Variants in NXPE4 observed in about 807,000 individuals in gnomAD.
The protein encoded by NXPE4 is neurexophilin and PC-esterase domain family member 4.
A neutral mutation model predicts 33.3 loss-of-function variants in NXPE4; 42 were observed. The ratio of observed to expected loss-of-function variants is 1.26; its 90% CI spans 0.98 to 1.63. The LOEUF is 1.63. NXPE4 is among the 40% of genes most tolerant of loss of function. NXPE4 has a pLI of 0.00. For synonymous variants in NXPE4, 253 were observed against 234.9 expected (o/e 1.08, Z -0.71); for missense variants, 709 against 647.6 (o/e 1.09, Z -1.03).
the NXPE4 span, among the ~76,000 whole-genome samples, chr11:114,668,000 T>G: frequency 6.6e-6 from 1 of 151,668 alleles, no homozygotes; most frequent in Non-Finnish European, 1.5e-5. Context: ...ACAAGCACTA[T>G]TTGTAACAGT....
At chr11:114,619,254 GA>G in the NXPE4 span, among the ~76,000 whole-genome samples, 1 of 152,060 alleles carries the variant, frequency 6.6e-6, no homozygotes, top group African/African-American at 2.4e-5. Context: ...AATGCCTCTT[GA>G]GTAATCAATG....
chr11:114,580,802 G>C (rs1393601668), intron 4 of NXPE4, among the ~76,000 whole-genome samples: 5 of 152,094 alleles, frequency 3.3e-5, no homozygotes, highest in African/African-American at 9.7e-5. Context: ...AGTTTGGCTT[G>C]GGAACTGACC....
At chr11:114,632,138 T>A in the NXPE4 span, among the ~76,000 whole-genome samples, 1 of 143,782 alleles carries the variant, frequency 7.0e-6, no homozygotes, top group Non-Finnish European at 1.5e-5. Flanking sequence ...AAATATATTA[T>A]AATTTATTAT....
chr11:114,630,368 A>G, the NXPE4 span, among the ~76,000 whole-genome samples: 4 of 151,854 alleles, frequency 2.6e-5, no homozygotes, highest in African/African-American at 9.7e-5. Context: ...AAATAACACC[A>G]CATTTCTACA....
the NXPE4 span, among the ~76,000 whole-genome samples, chr11:114,627,397 G>A: frequency 6.6e-6 from 1 of 151,726 alleles, no homozygotes; most frequent in African/African-American, 2.4e-5. Context: ...TTTCAACCCA[G>A]AATTTCATAT....
chr11:114,641,377 G>C, the NXPE4 span, among the ~76,000 whole-genome samples: 1 of 152,018 alleles, frequency 6.6e-6, no homozygotes, highest in East Asian at 1.9e-4. Flanking sequence ...ACTACATACT[G>C]AGTCACAAAG....
At chr11:114,596,894 G>T (rs1949578714), upstream of NXPE4, among the ~76,000 whole-genome samples, 1 of 152,146 alleles carries the variant, frequency 6.6e-6, no homozygotes, top group Non-Finnish European at 1.5e-5. Flanking sequence ...TTGACTTAAA[G>T]AACCAAGAGT....
the NXPE4 span, among the ~76,000 whole-genome samples, chr11:114,619,599 G>A: frequency 6.9e-6 from 1 of 144,394 alleles, no homozygotes; most frequent in Admixed American, 6.9e-5. Flanking sequence ...GGTAACCAGT[G>A]CTTCCCAGTG....
chr11:114,663,463 G>A, the NXPE4 span, among the ~76,000 whole-genome samples: 1 of 152,066 alleles, frequency 6.6e-6, no homozygotes, highest in African/African-American at 2.4e-5. Context: ...GGACATGGTG[G>A]TGTCTAATGG....
rs751018808 is a variant in NXPE4 at position 114,571,245 on chromosome 11, G to A, written c.1328C>T (p.Pro443Leu). The change falls in exon 6 of 6, where the codon CCC becomes CTC. Residue 443 changes from proline to leucine, a missense_variant. Transcript: ENST00000375478. Reference protein sequence around the residue: ...ISLGQHFRPFPIDVFIRRALN... With the variant: ...ISLGQHFRPFLIDVFIRRALN... ...GGCCCTTCGGATAAAAACATCAATGGGAAAGGGTCTGAAATGCTGGCCCAG... is the reference window on the plus strand; with the variant it reads ...GGCCCTTCGGATAAAAACATCAATGAGAAAGGGTCTGAAATGCTGGCCCAG... The A allele has an allele frequency of 4.3e-6, 7 of 1,613,906 alleles. No homozygotes were observed. In the East Asian group the frequency reaches 1.6e-4, roughly 36 times the overall value.
chr11:114,648,084 G>C, the NXPE4 span, among the ~76,000 whole-genome samples: 1 of 152,040 alleles, frequency 6.6e-6, no homozygotes, highest in Non-Finnish European at 1.5e-5. Flanking sequence ...CTTTGCCCTG[G>C]TTCCTGAGAC....
chr11:114,632,946 A>C, the NXPE4 span, among the ~76,000 whole-genome samples: 1 of 99,676 alleles, frequency 1.0e-5, no homozygotes, highest in South Asian at 2.9e-4. Context: ...TATATATTAT[A>C]TGATATTTTA....
the NXPE4 span, among the ~76,000 whole-genome samples, chr11:114,630,781 A>C: frequency 1.3e-4 from 20 of 151,930 alleles, no homozygotes; most frequent in Admixed American, 1.3e-3. Context: ...TCATCTGATA[A>C]AGGGTTAATA....
At chr11:114,601,176 T>C in the NXPE4 span, among the ~76,000 whole-genome samples, 661 of 151,804 alleles carry the variant, frequency 4.4e-3, 3 homozygotes, top group African/African-American at 0.015. Context: ...TCTGGAGTTT[T>C]AGTGTACCTG....
the NXPE4 span, among the ~76,000 whole-genome samples, chr11:114,618,981 G>A: frequency 6.6e-6 from 1 of 152,002 alleles, no homozygotes; most frequent in South Asian, 2.1e-4. Context: ...GTTATCTGGT[G>A]GATAATAGGT....
At chr11:114,652,851 C>A in the NXPE4 span, among the ~76,000 whole-genome samples, 1 of 152,170 alleles carries the variant, frequency 6.6e-6, no homozygotes, top group African/African-American at 2.4e-5. Flanking sequence ...TCAGCTAGAG[C>A]ATTTTCCATT....
intron 5 of NXPE4, 89 bp downstream of exon 5, chr11:114,580,043 A>G: frequency 8.8e-7 from 1 of 1,135,220 alleles, no homozygotes; most frequent in Non-Finnish European, 1.3e-6. Context: ...TATGAAAAAA[A>G]GAGGAATTTC....
chr11:114,623,676 T>C, the NXPE4 span, among the ~76,000 whole-genome samples: 1 of 152,102 alleles, frequency 6.6e-6, no homozygotes, highest in Admixed American at 6.5e-5. Context: ...ATGTGGATAA[T>C]AAGCATTGCC....
the NXPE4 span, among the ~76,000 whole-genome samples, chr11:114,605,104 T>G: frequency 1.3e-5 from 2 of 151,716 alleles, no homozygotes; most frequent in African/African-American, 4.9e-5. Flanking sequence ...GGGTAACAGC[T>G]GTTACCCTGT....
Sources: allele counts gnomAD v4.1 joint callset (sites outside exome capture counted in the v4.1 genomes callset), GRCh38; gene constraint gnomAD v4.1.1; transcripts MANE v1.5; gene names NCBI Gene and HGNC (gene_info 2026-07-23, HGNC 2026-07-21).